PDE4B: variants seen among roughly 807,000 people sequenced by gnomAD.
PDE4B encodes the protein phosphodiesterase 4B, also known as 3',5'-cyclic-AMP phosphodiesterase 4B.
A neutral mutation model predicts 82.2 loss-of-function variants in PDE4B; 20 were observed. The ratio of observed to expected loss-of-function variants is 0.24; its 90% confidence interval spans 0.17 to 0.35. The LOEUF is 0.35. Among genes scored for constraint, PDE4B ranks in the 10% least tolerant of loss-of-function variants. PDE4B has a pLI of 1.00. For missense variants in PDE4B, 655 were observed against 907.2 expected (o/e 0.72, Z 3.57); for synonymous variants, 320 against 318.9 (o/e 1.00, Z -0.04).
At chr1:66,316,181 T>C (rs776401251) in intron 7 of PDE4B, among the ~76,000 whole-genome samples, 1 of 152,222 alleles carries the variant, frequency 6.6e-6, no homozygotes, top group Non-Finnish European at 1.5e-5. Context: ...GCAAGGCTGA[T>C]TCAACAATCT....
chr1:65,881,318 T>A (rs984646368), intron 1 of PDE4B, among the ~76,000 whole-genome samples: 1 of 152,168 alleles, frequency 6.6e-6, no homozygotes, highest in African/African-American at 2.4e-5. Flanking sequence ...ATTCAGTTAC[T>A]GATCATTGTG....
chr1:65,803,044 T>A (rs1645714860), intron 1 of PDE4B, among the ~76,000 whole-genome samples: 4 of 152,196 alleles, frequency 2.6e-5, no homozygotes, highest in Non-Finnish European at 5.9e-5. Context: ...TATATTAATA[T>A]TATCCAAGAG....
intron 3 of PDE4B, among the ~76,000 whole-genome samples, chr1:65,949,775 C>CGTGT (rs146326884): frequency 2.1e-4 from 32 of 151,136 alleles, no homozygotes; most frequent in Non-Finnish European, 3.8e-4. Context: ...TAACTTCAAA[C>CGTGT]GTGTGTGTGT....
chr1:66,235,331 TC>T (rs572325438), intron 3 of PDE4B, among the ~76,000 whole-genome samples: 113 of 152,316 alleles, frequency 7.4e-4, no homozygotes, highest in Non-Finnish European at 1.4e-3. Flanking sequence ...GTTTTCTATT[TC>T]TTTTTTCAGT....
intron 3 of PDE4B, among the ~76,000 whole-genome samples, chr1:66,004,307 T>C (rs1178115553): frequency 1.3e-5 from 2 of 152,070 alleles, no homozygotes; most frequent in Non-Finnish European, 2.9e-5. Context: ...TATAACATGG[T>C]TTAATTAAAT....
intron 1 of PDE4B, among the ~76,000 whole-genome samples, chr1:65,811,702 C>T (rs565052586): frequency 1.1e-4 from 17 of 152,032 alleles, no homozygotes; most frequent in South Asian, 4.2e-4. Flanking sequence ...GTACAAGACA[C>T]AAGGTTACAA....
chr1:65,812,367 G>T (rs755111254), intron 1 of PDE4B, among the ~76,000 whole-genome samples: 31 of 152,132 alleles, frequency 2.0e-4, no homozygotes, highest in Non-Finnish European at 4.3e-4. Flanking sequence ...GGCCCTCCAT[G>T]CTCTGCCACA....
At chr1:66,009,485 C>T (rs1251161019) in intron 3 of PDE4B, among the ~76,000 whole-genome samples, 1 of 152,140 alleles carries the variant, frequency 6.6e-6, no homozygotes, top group African/African-American at 2.4e-5. Flanking sequence ...TTAACAACAT[C>T]CTATTTCACT....
chr1:66,367,453 G>A (rs1663331789), intron 13 of PDE4B: 1 of 348,916 alleles, frequency 2.9e-6, no homozygotes, highest in African/African-American at 2.1e-5. Flanking sequence ...GGAGTAAAAG[G>A]ATTTTAAAAT....
intron 7 of PDE4B, chr1:66,332,228 C>T (rs1660167463): frequency 2.8e-6 from 4 of 1,444,994 alleles, no homozygotes; most frequent in Non-Finnish European, 3.6e-6. Flanking sequence ...GAGACCGTTC[C>T]CTCCGCCTTC....
At chr1:66,126,084 G>A (rs914671273) in intron 3 of PDE4B, among the ~76,000 whole-genome samples, 2 of 152,196 alleles carry the variant, frequency 1.3e-5, no homozygotes, top group Admixed American at 6.5e-5. Context: ...GGGATTACAG[G>A]CGTGAGCCAC....
At position 66,372,988 on chromosome 1, in the gene PDE4B, G is replaced by A. The variant is rs1033114134; in HGVS notation, c.*310G>A. ...GAGAGATCATTCTGCACTAAGTTTC[G>A]GGAACTTATCCCCGACAGTGACTGA... On this transcript the variant is annotated 3_prime_UTR_variant, in exon 17 of 17. Transcript: ENST00000341517. The A allele has an allele frequency of 4.6e-5, 12 of 262,356 alleles. No individual in the cohort carries two copies. The highest frequency in any genetic ancestry group is 1.9e-4 in the South Asian group (2 of 10,334). The allele number at this position is 262,356 out of a possible 1,614,324, so 16.3% of individuals were successfully genotyped here. A position where few individuals can be genotyped will look rare whatever the true frequency, so the allele number is the denominator to read the frequency against.
intron 7 of PDE4B, among the ~76,000 whole-genome samples, chr1:66,319,108 A>G (rs555754161): frequency 6.6e-6 from 1 of 152,308 alleles, no homozygotes; most frequent in South Asian, 2.1e-4. Context: ...ACAAAATACA[A>G]TGCGATTTTC....
At chr1:66,196,813 G>A (rs1648343058) in intron 3 of PDE4B, among the ~76,000 whole-genome samples, 1 of 126,002 alleles carries the variant, frequency 7.9e-6, no homozygotes, top group Non-Finnish European at 1.6e-5. Flanking sequence ...CTGTGGTGGG[G>A]TGGGGGGAGG....
intron 7 of PDE4B, among the ~76,000 whole-genome samples, chr1:66,286,386 T>G (rs1557679760): frequency 6.6e-6 from 1 of 152,160 alleles, no homozygotes; most frequent in Non-Finnish European, 1.5e-5. Flanking sequence ...GGCAGAAACA[T>G]AGCCTGTGGC....
intron 1 of PDE4B, among the ~76,000 whole-genome samples, chr1:65,802,049 G>A (rs868313543): frequency 2.0e-5 from 3 of 152,148 alleles, no homozygotes; most frequent in African/African-American, 2.4e-5. Flanking sequence ...GCTTTAAGCC[G>A]TGTGATAAGA....
chr1:66,256,547 C>T (rs1454222698), intron 4 of PDE4B, among the ~76,000 whole-genome samples: 1 of 152,082 alleles, frequency 6.6e-6, no homozygotes, highest in African/African-American at 2.4e-5. Context: ...TTGGAGGTTT[C>T]TAGCTGAAGA....
rs560317500 is a variant in PDE4B at position 66,049,952 on chromosome 1, C to T, written c.281+131117C>T. Among the ~76,000 whole-genome samples the T allele has an allele frequency of 2.6e-5, 4 of 152,092 alleles. No homozygotes were observed. In the South Asian group the frequency reaches 8.3e-4, roughly 31 times the overall value. On this transcript the variant is annotated intron_variant, in intron 3 of 16. Coordinates refer to ENST00000341517, the MANE Select transcript of PDE4B (RefSeq NM_002600.4). The stretch of plus-strand genomic sequence containing the variant: ...GCTAGGAATTAAAGTAGTGTGAAAA[C>T]TCCACACAAATAAATAATACATTTA...
At chr1:66,194,642 T>C (rs770896425) in intron 3 of PDE4B, among the ~76,000 whole-genome samples, 3 of 152,156 alleles carry the variant, frequency 2.0e-5, no homozygotes, top group Non-Finnish European at 2.9e-5. Context: ...TCGTACTCCA[T>C]GTAACTGGAC....
Sources: gnomAD v4.1 joint callset for allele counts (sites outside exome capture counted in the v4.1 genomes callset) on GRCh38, gnomAD v4.1.1 for gene constraint, MANE v1.5 for transcripts, NCBI Gene and HGNC (gene_info 2026-07-23, HGNC 2026-07-21) for gene names.